KAZN: variants seen among roughly 807,000 people sequenced by gnomAD.
The protein encoded by KAZN is kazrin.
Under a neutral mutation model 87.4 loss-of-function variants are expected in KAZN, and 40 were observed. The ratio of observed to expected loss-of-function variants is 0.46; its 90% CI spans 0.36 to 0.60. KAZN has a LOEUF of 0.60. Among genes scored for constraint, KAZN ranks in the 20% least tolerant of loss-of-function variants. KAZN has a pLI of 0.00. For synonymous variants in KAZN, 466 were observed against 458.3 expected (o/e 1.02, Z -0.22); for missense variants, 898 against 1,073.9 (o/e 0.84, Z 2.29).
At chr1:14,732,483 A>G (rs1269344878) in intron 1 of KAZN, among the ~76,000 whole-genome samples, 2 of 152,066 alleles carry the variant, frequency 1.3e-5, no homozygotes. Flanking sequence ...TATAAAAAAT[A>G]TATAAATTAG....
chr1:14,334,932 A>G (rs556718690), intron 2 of KAZN, among the ~76,000 whole-genome samples: 1 of 143,464 alleles, frequency 7.0e-6, no homozygotes, highest in East Asian at 1.9e-4. Flanking sequence ...AAGACACAGA[A>G]ATAGACACAG....
At chr1:14,202,102 G>A (rs1165711357) in intron 2 of KAZN, among the ~76,000 whole-genome samples, 1 of 152,172 alleles carries the variant, frequency 6.6e-6, no homozygotes. Context: ...TCATTCCCAT[G>A]TTTCAGATGG....
intron 2 of KAZN, among the ~76,000 whole-genome samples, chr1:15,031,630 A>G (rs1671716468): frequency 7.1e-6 from 1 of 140,538 alleles, no homozygotes; most frequent in Non-Finnish European, 1.6e-5. Context: ...TAGAGACTGG[A>G]TCTTGCTCTG....
chr1:14,972,066 C>T (rs575693007), intron 2 of KAZN, among the ~76,000 whole-genome samples: 1 of 152,278 alleles, frequency 6.6e-6, no homozygotes, highest in African/African-American at 2.4e-5. Flanking sequence ...TGGCCCCTTC[C>T]CAGGAAAGGT....
At chr1:14,186,779 G>A (rs1483383710) in intron 2 of KAZN, among the ~76,000 whole-genome samples, 4 of 152,130 alleles carry the variant, frequency 2.6e-5, no homozygotes, top group African/African-American at 4.8e-5. Context: ...TCTGCCTGCT[G>A]CATGCGTGGA....
intron 2 of KAZN, chr1:14,349,399 A>G (rs545578008): frequency 1.3e-5 from 2 of 152,238 alleles, no homozygotes; most frequent in African/African-American, 4.8e-5. Context: ...TTAAAAATTG[A>G]TAAGTCACAC....
At chr1:14,304,917 C>T (rs894017841) in intron 2 of KAZN, among the ~76,000 whole-genome samples, 5 of 151,120 alleles carry the variant, frequency 3.3e-5, no homozygotes, top group African/African-American at 9.8e-5. Flanking sequence ...CCTTAAGAAG[C>T]ATGATTGCTC....
intron 1 of KAZN, among the ~76,000 whole-genome samples, chr1:14,014,554 C>T (rs1323173671): frequency 1.3e-5 from 2 of 152,126 alleles, no homozygotes; most frequent in African/African-American, 4.8e-5. Flanking sequence ...CTGCCTATTT[C>T]TCTTAGCCTG....
At chr1:15,109,409 G>C (rs191334017) in intron 13 of KAZN, among the ~76,000 whole-genome samples, 1 of 152,132 alleles carries the variant, frequency 6.6e-6, no homozygotes, top group Non-Finnish European at 1.5e-5. Context: ...GGACTTTATC[G>C]TACAGATGAG....
chr1:14,947,005 A>G (rs77615186), intron 1 of KAZN, among the ~76,000 whole-genome samples: 5,698 of 152,258 alleles, frequency 0.037, 288 homozygotes, highest in African/African-American at 0.12. Flanking sequence ...GTGTGGGGCA[A>G]GCAGCTTCCA....
rs1664871310 is a variant in KAZN at position 14,417,266 on chromosome 1, T to G, written c.250-181717T>G. On this transcript the variant is annotated intron_variant, in intron 2 of 16. Transcript: ENST00000636203. ...TATTATTCCATTGATGAAATCACAC[T>G]TCACCATTAAGAAGGGCAATTTTTA... 3.3e-5 allele frequency among the ~76,000 whole-genome samples: 5 copies of G among 152,262 alleles called. No homozygotes were observed. In the South Asian group the frequency reaches 1.0e-3, roughly 32 times the overall value.
intron 8 of KAZN, among the ~76,000 whole-genome samples, chr1:15,076,941 C>G (rs887308760): frequency 6.6e-6 from 1 of 152,224 alleles, no homozygotes; most frequent in African/African-American, 2.4e-5. Context: ...CTCATTTCAA[C>G]TACGCCACAA....
At position 14,799,830 on chromosome 1, in the gene KAZN, G is replaced by A. The variant is rs188138518; in HGVS notation, c.227-160854G>A. On this transcript the variant is annotated intron_variant, in intron 1 of 14. Coordinates refer to ENST00000376030, the MANE Select transcript of KAZN (RefSeq NM_201628.3). ...TAGTTTCATTTCTGAAATCTTACAC[G>A]ATATTTTATAGGAAGCCTTGGAGAC... Among the ~76,000 whole-genome samples, 222 of 152,162 alleles carry A rather than the reference G, an allele frequency of 1.5e-3. 2 individuals carry two copies. The highest frequency in any genetic ancestry group is 5.1e-3 in the African/African-American group (211 of 41,520).
chr1:14,358,523 C>T (rs937134451), intron 2 of KAZN, among the ~76,000 whole-genome samples: 3 of 152,000 alleles, frequency 2.0e-5, no homozygotes, highest in Non-Finnish European at 4.4e-5. Context: ...GTTAGGGTGT[C>T]GATTTTAGAT....
intron 1 of KAZN, among the ~76,000 whole-genome samples, chr1:14,699,409 C>A (rs1641795190): frequency 6.6e-6 from 1 of 152,194 alleles, no homozygotes; most frequent in African/African-American, 2.4e-5. Context: ...TTCATTTCAA[C>A]AAATATGCAT....
chr1:13,914,082 C>A (rs892135936), intron 1 of KAZN, among the ~76,000 whole-genome samples: 1 of 152,186 alleles, frequency 6.6e-6, no homozygotes, highest in Non-Finnish European at 1.5e-5. Flanking sequence ...GGATTTGCAA[C>A]AACTAAAGAC....
intron 1 of KAZN, among the ~76,000 whole-genome samples, chr1:14,033,410 T>A (rs1226003464): frequency 6.6e-6 from 1 of 151,982 alleles, no homozygotes; most frequent in African/African-American, 2.4e-5. Context: ...GCTGCTGAGG[T>A]TCCTGGAGAC....
chr1:14,608,976 A>G (rs1310519677), intron 1 of KAZN, among the ~76,000 whole-genome samples: 3 of 152,138 alleles, frequency 2.0e-5, no homozygotes, highest in African/African-American at 7.2e-5. Flanking sequence ...ATTGGCAAGA[A>G]TACGCTCACC....
intron 2 of KAZN, among the ~76,000 whole-genome samples, chr1:14,514,605 A>ATTTTC: frequency 2.8e-5 from 1 of 36,292 alleles, no homozygotes; most frequent in African/African-American, 1.6e-4. Context: ...TTATATATAT[A>ATTTTC]TATATATATA....
Sources: allele counts gnomAD v4.1 joint callset (sites outside exome capture counted in the v4.1 genomes callset), GRCh38; gene constraint gnomAD v4.1.1; transcripts MANE v1.5; gene names NCBI Gene and HGNC (gene_info 2026-07-23, HGNC 2026-07-21).